NCOR2: variants seen among roughly 807,000 people sequenced by gnomAD.
NCOR2 encodes the protein nuclear receptor corepressor 2.
Under a neutral mutation model 262.9 loss-of-function variants are expected in NCOR2, and 81 were observed. The ratio of observed to expected loss-of-function variants is 0.31; its 90% CI spans 0.26 to 0.37. NCOR2 has a LOEUF of 0.37. Ranked by LOEUF, NCOR2 falls within the 10% of genes least tolerant of loss-of-function variation. The pLI, the probability that NCOR2 is intolerant of heterozygous loss-of-function variation, is 1.00. For missense variants in NCOR2, 3,385 were observed against 3,621.4 expected (o/e 0.93, Z 1.68); for synonymous variants, 1,659 against 1,559.3 (o/e 1.06, Z -1.51).
At position 124,517,079 on chromosome 12, in the gene NCOR2, T is replaced by C. The variant is rs1222342649; in HGVS notation, c.-118+18486A>G. 6.6e-6 allele frequency among the ~76,000 whole-genome samples: 1 copy of C among 151,944 alleles called. No homozygotes were observed. The highest frequency in any genetic ancestry group is 2.4e-5 in the African/African-American group (1 of 41,362). ...CGTTCCCCCTAAAACTGCAGCTCCT[T>C]CTCCCGTCAGTCCCATGCTTGTGTA... is the stretch of plus-strand genomic sequence containing the variant. On this transcript the variant is annotated intron_variant, in intron 1 of 46. Coordinates refer to the NCOR2 transcript ENST00000404621. The surrounding 1 kb of genome is among the most constrained non-coding windows in gnomAD (Gnocchi z 7.6).
At chr12:124,520,653 C>T (rs574735960) in intron 1 of NCOR2, among the ~76,000 whole-genome samples, 2 of 152,284 alleles carry the variant, frequency 1.3e-5, no homozygotes, top group South Asian at 4.1e-4. Flanking sequence ...TCATCAAACA[C>T]CAGAAACAGC....
intron 1 of NCOR2, among the ~76,000 whole-genome samples, chr12:124,555,208 A>G (rs1175343518): frequency 6.6e-6 from 1 of 152,212 alleles, no homozygotes; most frequent in Non-Finnish European, 1.5e-5. Flanking sequence ...TGTGGTGCCA[A>G]GCGAGCTTGC....
rs1190699563 is a variant in NCOR2, at chr12:124,501,060, G to GCACACA, written c.-117-5693_-117-5692insTGTGTG. Among the ~76,000 whole-genome samples, 15 of 48,762 alleles carry GCACACA rather than the reference G, an allele frequency of 3.1e-4. 1 individual carries two copies. Among genetic ancestry groups the GCACACA allele is most frequent in the South Asian group, 8.8e-4 (1 of 1,132 alleles). The allele number at this position is 48,762 out of a possible 152,430, so 32.0% of individuals were successfully genotyped here. A position where few individuals can be genotyped will look rare whatever the true frequency, so the allele number is the denominator to read the frequency against. On this transcript the variant is annotated intron_variant, in intron 1 of 46. Coordinates refer to the NCOR2 transcript ENST00000404621. Reference sequence around the variant, plus strand: ...CCACGGCACGAGCGCGCGCGCACGCGCGCACACACACACACACACACACAC... The same window carrying GCACACA: ...CCACGGCACGAGCGCGCGCGCACGCGCACACACGCACACACACACACACACACACAC...
chr12:124,509,455 G>A lies in NCOR2; in HGVS notation c.-117-14087C>T, dbSNP rs183542096. Among the ~76,000 whole-genome samples, 97 of 152,292 alleles carry A rather than the reference G, an allele frequency of 6.4e-4. 1 individual carries two copies. The highest frequency in any genetic ancestry group is 2.1e-3 in the African/African-American group (88 of 41,546). On this transcript the variant is annotated intron_variant, in intron 1 of 46. Coordinates refer to the NCOR2 transcript ENST00000404621. Reference sequence around the variant, plus strand: ...TTTTTTAGTTACTTGAACTATTTGTGCTAAATGCAGGAGGCAGAGGGAGTC... The same window carrying A: ...TTTTTTAGTTACTTGAACTATTTGTACTAAATGCAGGAGGCAGAGGGAGTC...
chr12:124,546,352 T>C (rs1462913329), intron 1 of NCOR2, among the ~76,000 whole-genome samples: 1 of 152,238 alleles, frequency 6.6e-6, no homozygotes, highest in East Asian at 1.9e-4. Flanking sequence ...AGTTTCAGTA[T>C]GGTGGTCTGA....
chr12:124,339,861 CACAT>C (rs1220694948), intron 37 of NCOR2, 141 bp downstream of exon 39: 7 of 1,099,664 alleles, frequency 6.4e-6, no homozygotes, highest in South Asian at 3.1e-5. Flanking sequence ...CCACTACTCA[CACAT>C]AGTCTATTCT....
chr12:124,340,869 T>G, intron 34 of NCOR2, 118 bp from the exon 37 acceptor site: 1 of 1,005,544 alleles, frequency 9.9e-7, no homozygotes, highest in Non-Finnish European at 1.3e-6. Context: ...GCAGAGCTGG[T>G]GGCAGGCACT....
exon 15 of NCOR2, chr12:124,400,513 T>C (rs1427975793): frequency 4.3e-6 from 7 of 1,613,442 alleles, no homozygotes; most frequent in Non-Finnish European, 5.9e-6. Flanking sequence ...AGCTCGGCGC[T>C]CTGCTGGGGG....
chr12:124,563,410 C>G (rs1285566691), intron 1 of NCOR2, among the ~76,000 whole-genome samples: 1 of 152,246 alleles, frequency 6.6e-6, no homozygotes, highest in Non-Finnish European at 1.5e-5. Context: ...AACAATGATG[C>G]TAAGTTCATT....
chr12:124,541,472 C>G (rs1375197596), intron 1 of NCOR2, among the ~76,000 whole-genome samples: 1 of 1,238 alleles, frequency 8.1e-4, no homozygotes, highest in Admixed American at 0.013. Flanking sequence ...TGGAGGGGGA[C>G]GGGGAGTGGA....
chr12:124,454,072 C>G lies in NCOR2; in HGVS notation c.762+3034G>C, dbSNP rs1019502609. On this transcript the variant is annotated intron_variant, in intron 6 of 46. Transcript: ENST00000405201. This position sits in a 1 kb window ranked among gnomAD's most constrained non-coding sequence, Gnocchi z 5.6. ...GGTAGACAGGACCCTGCAGAGGGTG[C>G]ACCATGCAGCTGCCTCTGCTTGGAG... Among the ~76,000 whole-genome samples, 37 of 152,340 alleles carry G rather than the reference C, an allele frequency of 2.4e-4. No homozygotes were observed. Among genetic ancestry groups the G allele is most frequent in the African/African-American group, 8.4e-4 (35 of 41,586 alleles).
intron 3 of NCOR2, among the ~76,000 whole-genome samples, chr12:124,479,174 GT>G (rs1257652836): frequency 6.6e-6 from 1 of 152,220 alleles, no homozygotes; most frequent in Non-Finnish European, 1.5e-5. Context: ...CCACTCAGGG[GT>G]TGGTCACCCT....
chr12:124,417,243 G>GGACACTCACTCCACGGACAGCAGGCCA (rs2042953629), intron 13 of NCOR2, among the ~76,000 whole-genome samples: 1 of 150,316 alleles, frequency 6.7e-6, no homozygotes, highest in Non-Finnish European at 1.5e-5. Context: ...ACAGCAGGCC[G>GGACACTCACTCCACGGACAGCAGGCCA]GACACTCACT....
upstream of NCOR2, chr12:124,539,576 G>A (rs890293674): frequency 1.3e-5 from 2 of 152,310 alleles, no homozygotes; most frequent in Admixed American, 1.3e-4. The surrounding 1 kb of genome is among the most constrained non-coding windows in gnomAD (Gnocchi z 5.1). Flanking sequence ...GCGCCCCTGG[G>A]GCTGGCCAGG....
intron 1 of NCOR2, among the ~76,000 whole-genome samples, chr12:124,562,582 C>T (rs13377762): frequency 0.057 from 8,657 of 152,240 alleles, 312 homozygotes; most frequent in Middle Eastern, 0.085. Flanking sequence ...ACTCCAAGTG[C>T]CTGACAGACA....
chr12:124,377,247 G>A lies in NCOR2; in HGVS notation c.2167+990C>T, dbSNP rs566444256. ...AGCACCATGCACACGATGGCTTTACGCCCTCTCTTCAGCAGCACTCACCTG... is the reference window on the plus strand; with the variant it reads ...AGCACCATGCACACGATGGCTTTACACCCTCTCTTCAGCAGCACTCACCTG... On this transcript the variant is annotated intron_variant, in intron 18 of 46. Coordinates refer to ENST00000405201, the Ensembl canonical transcript of NCOR2. Among the ~76,000 whole-genome samples, 85 of 152,266 alleles carry A rather than the reference G, an allele frequency of 5.6e-4. 1 individual carries two copies. The highest frequency in any genetic ancestry group is 2.0e-3 in the African/African-American group (83 of 41,568).
intron 18 of NCOR2, among the ~76,000 whole-genome samples, chr12:124,376,814 GAAC>G (rs1372646096): frequency 4.6e-5 from 7 of 152,218 alleles, no homozygotes; most frequent in South Asian, 2.1e-4. Flanking sequence ...GGGACAACAG[GAAC>G]AACAAGAAGG....
chr12:124,350,640 G>A (rs2135889123), exon 28 of NCOR2: 1 of 1,613,992 alleles, frequency 6.2e-7, no homozygotes, highest in East Asian at 2.2e-5. Context: ...GTGGCCCTTG[G>A]GCAGGCTGTC....
intron 8 of NCOR2, among the ~76,000 whole-genome samples, chr12:124,431,613 A>G (rs2043942902): frequency 6.6e-6 from 1 of 151,458 alleles, no homozygotes; most frequent in South Asian, 2.1e-4. Context: ...ACACATACAT[A>G]CAGTCAGACA....
Sources: allele counts gnomAD v4.1 joint callset (sites outside exome capture counted in the v4.1 genomes callset), GRCh38; gene constraint gnomAD v4.1.1; non-coding constraint Gnocchi (gnomAD v3.1); transcripts MANE v1.5; gene names NCBI Gene and HGNC (gene_info 2026-07-23, HGNC 2026-07-21).